Variants in ARHGAP24 observed in about 807,000 individuals in gnomAD.
ARHGAP24 encodes rho GTPase-activating protein 24.
A neutral mutation model predicts 76.4 loss-of-function variants in ARHGAP24; 50 were observed. The ratio of observed to expected loss-of-function variants is 0.65; its 90% CI spans 0.52 to 0.83. The LOEUF (loss-of-function observed/expected upper bound fraction) is 0.83, where lower values mean the gene tolerates loss of function less well. Among genes scored for constraint, ARHGAP24 ranks in the 40% least tolerant of loss-of-function variants. ARHGAP24 has a pLI of 0.00. For synonymous variants in ARHGAP24, 345 were observed against 323.3 expected, an observed-to-expected ratio of 1.07 and a Z score of -0.72; for missense variants, 930 against 914.2, an observed-to-expected ratio of 1.02 and a Z score of -0.22.
At position 85,905,681 on chromosome 4, in the gene ARHGAP24, T is replaced by C. The variant is rs6812185; in HGVS notation, c.269-17967T>C. 1.7e-3 allele frequency among the ~76,000 whole-genome samples: 262 copies of C among 152,310 alleles called. 2 individuals carry two copies. The highest frequency in any genetic ancestry group is 6.2e-3 in the African/African-American group (257 of 41,576). ...TCCCTGAGCTTCTGTTGCACATTAG[T>C]TTATTGTTGCACCTTACTCCTAAAT... On this transcript the variant is annotated intron_variant, in intron 3 of 9. Coordinates refer to ENST00000395184, the MANE Select transcript of ARHGAP24 (RefSeq NM_001025616.3).
At chr4:85,639,599 A>G (rs1721448665) in intron 2 of ARHGAP24, among the ~76,000 whole-genome samples, 1 of 141,220 alleles carries the variant, frequency 7.1e-6, no homozygotes, top group Non-Finnish European at 1.6e-5. Context: ...CATTAAAAAG[A>G]CTCTGTAATT....
intron 2 of ARHGAP24, among the ~76,000 whole-genome samples, chr4:85,599,240 CATATGAAAGGCTGACACTTCATTTCAT>C (rs1316926387): frequency 1.3e-5 from 2 of 152,232 alleles, no homozygotes; most frequent in African/African-American, 4.8e-5. Flanking sequence ...GGTATTAAAA[CATATGAAAGGCTGACACTTCATTTCAT>C]AAATGAGGAC....
Position 85,639,506 on chromosome 4 carries a change from A to G in ARHGAP24, c.180+68785A>G, listed in dbSNP as rs72982086. Among the ~76,000 whole-genome samples the G allele has an allele frequency of 3.8e-3, 586 of 152,238 alleles. 2 individuals carry two copies. Among genetic ancestry groups the G allele is most frequent in the African/African-American group, 0.014 (562 of 41,552 alleles). ...GTTCGGTAAGCCTAAATAGATAACA[A>G]ATTCTCAGAGTTAGCTCCAAGATGT... On this transcript the variant is annotated intron_variant, in intron 2 of 9. Coordinates refer to ENST00000395184, the MANE Select transcript of ARHGAP24 (RefSeq NM_001025616.3).
intron 1 of ARHGAP24, among the ~76,000 whole-genome samples, chr4:85,556,479 A>G (rs1325562368): frequency 3.9e-5 from 6 of 152,200 alleles, no homozygotes; most frequent in African/African-American, 1.4e-4. Flanking sequence ...CAGCATAGCA[A>G]CCAGGCCCTT....
intron 1 of ARHGAP24, among the ~76,000 whole-genome samples, chr4:85,564,969 T>TATATAC (rs1553914961): frequency 9.5e-6 from 1 of 105,348 alleles, no homozygotes; most frequent in African/African-American, 3.7e-5. Flanking sequence ...TATATATATA[T>TATATAC]ACCCACACCC....
At chr4:85,594,070 C>G (rs192733357) in intron 2 of ARHGAP24, among the ~76,000 whole-genome samples, 1 of 151,920 alleles carries the variant, frequency 6.6e-6, no homozygotes, top group African/African-American at 2.4e-5. Context: ...GATTTTGATT[C>G]TTCCATTCTG....
intron 2 of ARHGAP24, among the ~76,000 whole-genome samples, chr4:85,642,853 T>C (rs1408649075): frequency 6.6e-6 from 1 of 152,158 alleles, no homozygotes; most frequent in Non-Finnish European, 1.5e-5. Flanking sequence ...AACCCTGCAA[T>C]AGTCCCGTCG....
intron 3 of ARHGAP24, among the ~76,000 whole-genome samples, chr4:85,871,180 G>A (rs1262833821): frequency 1.3e-5 from 2 of 152,000 alleles, no homozygotes; most frequent in East Asian, 3.9e-4. Flanking sequence ...TACTCTCTAG[G>A]GGTAGGAGGG....
intron 2 of ARHGAP24, among the ~76,000 whole-genome samples, chr4:85,632,598 A>G (rs28694328): frequency 0.011 from 1,719 of 152,146 alleles, 37 homozygotes; most frequent in African/African-American, 0.039. Flanking sequence ...AGCCTTTTAT[A>G]TCGTGTATAC....
intron 8 of ARHGAP24, among the ~76,000 whole-genome samples, chr4:85,989,393 A>G (rs1452024882): frequency 6.6e-6 from 1 of 151,712 alleles, no homozygotes; most frequent in African/African-American, 2.4e-5. Context: ...TTCGTAGCTA[A>G]AAACATTCCC....
At chr4:85,834,078 C>G (rs1730138429) in intron 3 of ARHGAP24, among the ~76,000 whole-genome samples, 1 of 152,058 alleles carries the variant, frequency 6.6e-6, no homozygotes, top group Admixed American at 6.6e-5. Flanking sequence ...AATCAAAAAG[C>G]TAACCTGTGA....
chr4:85,479,015 CAT>C (rs1722709940), intron 1 of ARHGAP24, among the ~76,000 whole-genome samples: 1 of 152,190 alleles, frequency 6.6e-6, no homozygotes, highest in African/African-American at 2.4e-5. Flanking sequence ...GTGTTGGAAA[CAT>C]AGTACACATC....
chr4:85,623,046 T>G (rs1256090349), intron 2 of ARHGAP24, among the ~76,000 whole-genome samples: 2 of 152,206 alleles, frequency 1.3e-5, no homozygotes, highest in East Asian at 3.8e-4. Context: ...ATTCTGTAGG[T>G]TGCCTGTTCA....
rs575482451 is a variant in ARHGAP24 at position 85,863,328 on chromosome 4, T to C, written c.269-60320T>C. 4.6e-5 allele frequency among the ~76,000 whole-genome samples: 7 copies of C among 152,242 alleles called. No homozygotes were observed. The South Asian group carries it at 1.0e-3, about 23-fold the overall frequency. On this transcript the variant is annotated intron_variant, in intron 3 of 9. Coordinates refer to ENST00000395184, the MANE Select transcript of ARHGAP24 (RefSeq NM_001025616.3). ...AATAATGCAGGCTGCCATGCCATTA[T>C]TTTCTATCACAGAACCCGATTAATT...
chr4:85,927,430 A>T (rs921774833), intron 4 of ARHGAP24, among the ~76,000 whole-genome samples: 1 of 152,206 alleles, frequency 6.6e-6, no homozygotes, highest in Non-Finnish European at 1.5e-5. Flanking sequence ...GGTTGCAAGT[A>T]TCTGTGAATA....
chr4:85,706,105 T>A (rs1724298381), intron 2 of ARHGAP24, among the ~76,000 whole-genome samples: 1 of 152,164 alleles, frequency 6.6e-6, no homozygotes, highest in Non-Finnish European at 1.5e-5. Context: ...CACTATGAAG[T>A]GATCTTCCTC....
chr4:85,943,660 C>G (rs1006364023), intron 5 of ARHGAP24, among the ~76,000 whole-genome samples: 2 of 152,032 alleles, frequency 1.3e-5, no homozygotes, highest in Non-Finnish European at 2.9e-5. Context: ...CTCCCTGTGT[C>G]CATGTATTCT....
At chr4:85,827,371 C>T (rs1729765791) in intron 3 of ARHGAP24, among the ~76,000 whole-genome samples, 1 of 151,798 alleles carries the variant, frequency 6.6e-6, no homozygotes, top group Admixed American at 6.6e-5. Context: ...CTTCTTTAAG[C>T]CCTGTTACCT....
At chr4:85,509,678 C>T (rs1724200988) in intron 1 of ARHGAP24, among the ~76,000 whole-genome samples, 1 of 151,980 alleles carries the variant, frequency 6.6e-6, no homozygotes, top group Non-Finnish European at 1.5e-5. Context: ...GGTCTGGGAT[C>T]TGTTCTTTTA....
Sources: gnomAD v4.1 joint callset for allele counts (sites outside exome capture counted in the v4.1 genomes callset) on GRCh38, gnomAD v4.1.1 for gene constraint, MANE v1.5 for transcripts, NCBI Gene and HGNC (gene_info 2026-07-23, HGNC 2026-07-21) for gene names.